Variants in SCEL observed in about 807,000 individuals in gnomAD.
SCEL encodes the protein sciellin.
SCEL carries 113 observed loss-of-function variants against 117.6 expected under a neutral mutation model. That is an observed-to-expected ratio of 0.96 (90% CI 0.83 to 1.12). SCEL has a LOEUF of 1.12. Ranked by LOEUF, SCEL falls within the 50% of genes most tolerant of loss-of-function variation. SCEL has a pLI of 0.00. For synonymous variants in SCEL, 270 were observed against 256.2 expected, an observed-to-expected ratio of 1.05 and a Z score of -0.51; for missense variants, 785 against 810.8, an observed-to-expected ratio of 0.97 and a Z score of 0.39.
chr13:77,621,348 C>A (rs1487620869), intron 27 of SCEL, among the ~76,000 whole-genome samples: 2 of 152,122 alleles, frequency 1.3e-5, no homozygotes, highest in Non-Finnish European at 2.9e-5. Flanking sequence ...CAAAAGCAAA[C>A]CCCACCCACA....
intron 1 of SCEL, among the ~76,000 whole-genome samples, chr13:77,544,355 G>A (rs2083883663): frequency 6.6e-6 from 1 of 152,102 alleles, no homozygotes; most frequent in Non-Finnish European, 1.5e-5. Flanking sequence ...TTTCTTAAGA[G>A]AAAGTTAGCA....
chr13:77,633,731 G>A (rs1367026571), intron 28 of SCEL, among the ~76,000 whole-genome samples: 1 of 152,128 alleles, frequency 6.6e-6, no homozygotes, highest in Non-Finnish European at 1.5e-5. Flanking sequence ...TTCTCCCTTT[G>A]TTTATAAAAA....
intron 9 of SCEL, among the ~76,000 whole-genome samples, chr13:77,577,822 C>T (rs1318077098): frequency 6.6e-6 from 1 of 152,142 alleles, no homozygotes; most frequent in Non-Finnish European, 1.5e-5. Flanking sequence ...TTCTTGTTGG[C>T]TGATGTTTCT....
chr13:77,564,822 T>G (rs1203500267), intron 5 of SCEL, among the ~76,000 whole-genome samples: 1 of 152,220 alleles, frequency 6.6e-6, no homozygotes, highest in Non-Finnish European at 1.5e-5. Flanking sequence ...ACCTTCTGCA[T>G]TATTCCTAGG....
At chr13:77,540,874 T>A (rs1232179944) in intron 1 of SCEL, among the ~76,000 whole-genome samples, 3 of 152,266 alleles carry the variant, frequency 2.0e-5, no homozygotes, top group East Asian at 3.9e-4. Context: ...AGTGAGGAAG[T>A]CTGGAGATTG....
At chr13:77,560,265 TAAA>T (rs5804913) in intron 4 of SCEL, among the ~76,000 whole-genome samples, 2 of 133,166 alleles carry the variant, frequency 1.5e-5, no homozygotes, top group African/African-American at 2.8e-5. Flanking sequence ...ACCCTGCCTC[TAAA>T]AAAAAAAAAA....
intron 15 of SCEL, among the ~76,000 whole-genome samples, chr13:77,601,420 C>G (rs1594083115): frequency 6.6e-6 from 1 of 152,162 alleles, no homozygotes; most frequent in East Asian, 1.9e-4. Flanking sequence ...TGTCAACAGT[C>G]TTATCACAGA....
intron 8 of SCEL, 93 bp downstream of exon 8, chr13:77,569,544 C>G: frequency 1.2e-6 from 1 of 863,040 alleles, no homozygotes; most frequent in Non-Finnish European, 1.8e-6. Context: ...GATCCAGCAT[C>G]TACATTCTGC....
Position 77,606,306 on chromosome 13 carries a change from T to C in SCEL, c.1158-1750T>C, listed in dbSNP as rs569833076. Among the ~76,000 whole-genome samples, 19 of 152,332 alleles carry C rather than the reference T, an allele frequency of 1.2e-4. 1 individual carries two copies. In the South Asian group the frequency reaches 3.5e-3, roughly 28 times the overall value. ...GGGTGCATATGTACATGGATGTGTA[T>C]GTACCTGTGTGTGTGAGCGTATGCG... On this transcript the variant is annotated intron_variant, in intron 19 of 32. Coordinates refer to ENST00000349847, the MANE Select transcript of SCEL (RefSeq NM_144777.3).
chr13:77,577,753 G>T (rs2086031726), intron 9 of SCEL, among the ~76,000 whole-genome samples: 1 of 152,090 alleles, frequency 6.6e-6, no homozygotes, highest in Non-Finnish European at 1.5e-5. Context: ...GCAATATATT[G>T]CAGAAGCCCA....
chr13:77,610,034 C>A lies in SCEL; in HGVS notation c.1278-13C>A, dbSNP rs761240501. 1.3e-6 allele frequency: 2 copies of A among 1,596,024 alleles called. No individual in the cohort carries two copies. Among genetic ancestry groups the A allele is most frequent in the Non-Finnish European group, 8.6e-7 (1 of 1,167,494 alleles). Reference sequence around the variant, plus strand: ...TTAAATCTACCACTGATCTGATTTTCTATGTTTTTAAGGGGCCAAAGTCTC... The same window carrying A: ...TTAAATCTACCACTGATCTGATTTTATATGTTTTTAAGGGGCCAAAGTCTC... On this transcript the variant is annotated splice_polypyrimidine_tract_variant and intron_variant, in intron 21 of 32. Transcript: ENST00000349847.
At chr13:77,579,119 C>G (rs1280385397) in intron 9 of SCEL, among the ~76,000 whole-genome samples, 2 of 152,130 alleles carry the variant, frequency 1.3e-5, no homozygotes, top group African/African-American at 4.8e-5. Context: ...CTCAAACCAA[C>G]CCATCCTTCA....
intron 18 of SCEL, 120 bp downstream of exon 18, chr13:77,603,255 A>C: frequency 2.0e-6 from 1 of 503,180 alleles, no homozygotes; most frequent in Non-Finnish European, 3.4e-6. Flanking sequence ...CAATAAAGAT[A>C]GGCCACACGA....
chr13:77,631,077 A>G (rs2090000510), intron 28 of SCEL, among the ~76,000 whole-genome samples: 1 of 152,178 alleles, frequency 6.6e-6, no homozygotes, highest in South Asian at 2.1e-4. Context: ...CCTCTAAGGC[A>G]GTGATTCTCT....
At chr13:77,543,082 CTT>C (rs71203061) in intron 1 of SCEL, among the ~76,000 whole-genome samples, 4 of 122,436 alleles carry the variant, frequency 3.3e-5, no homozygotes, top group Admixed American at 8.6e-5. Context: ...TCTACTTTAG[CTT>C]TTTTTTTTTT....
chr13:77,576,585 C>T (rs2085955277), intron 9 of SCEL, among the ~76,000 whole-genome samples: 3 of 152,202 alleles, frequency 2.0e-5, no homozygotes, highest in Non-Finnish European at 1.5e-5. Flanking sequence ...GGGTAGCCCA[C>T]TGCCCATTGT....
In SCEL at chr13:77,575,364, G is replaced by A. The variant is rs186335734; in HGVS notation, c.545+3175G>A. Among the ~76,000 whole-genome samples, 42 of 151,604 alleles carry A rather than the reference G, an allele frequency of 2.8e-4. No homozygotes were observed. In the East Asian group the frequency reaches 4.8e-3, roughly 17 times the overall value. On this transcript the variant is annotated intron_variant, in intron 9 of 32. Transcript: ENST00000349847. ...TTATAATTAATATATCTATTCCTACGTCTACATCTATATCTATACTTACAT... is the reference window on the plus strand; with the variant it reads ...TTATAATTAATATATCTATTCCTACATCTACATCTATATCTATACTTACAT...
chr13:77,567,613 A>C, intron 5 of SCEL, 67 bp from the exon 6 acceptor site: 1 of 1,095,326 alleles, frequency 9.1e-7, no homozygotes, highest in African/African-American at 1.6e-5. Context: ...TCTAGCATGA[A>C]AATGGTCTGA....
intron 1 of SCEL, among the ~76,000 whole-genome samples, chr13:77,537,838 A>T (rs1174711391): frequency 6.6e-6 from 1 of 152,236 alleles, no homozygotes; most frequent in Admixed American, 6.5e-5. Context: ...AAGCCGTCAA[A>T]TTAAGCAAAC....
Sources: gnomAD v4.1 joint callset for allele counts (sites outside exome capture counted in the v4.1 genomes callset) on GRCh38, gnomAD v4.1.1 for gene constraint, MANE v1.5 for transcripts, NCBI Gene and HGNC (gene_info 2026-07-23, HGNC 2026-07-21) for gene names.